The following C6 variants were observed in gnomAD, a reference collection of about 807,000 sequenced individuals.
The protein encoded by C6 is complement C6, also known as complement component C6.
C6 carries 101 observed loss-of-function variants against 112.9 expected under a neutral mutation model. The observed-to-expected ratio is 0.89, with a 90% CI of 0.76 to 1.06. The LOEUF (loss-of-function observed/expected upper bound fraction) is 1.06. Among genes scored for constraint, C6 ranks in the 50% least tolerant of loss-of-function variants. C6 has a pLI of 0.00. For synonymous variants in C6, 431 were observed against 384.1 expected, an observed-to-expected ratio of 1.12 and a Z score of -1.43; for missense variants, 1,202 against 1,104.6, an observed-to-expected ratio of 1.09 and a Z score of -1.25.
rs192945704 is a variant in C6, at chr5:41,211,522, A to G, written c.-21+1854T>C. On this transcript the variant is annotated intron_variant, in intron 1 of 17. Transcript: ENST00000337836. ...ATTGGGACAATAGTAGCCAGATAGA[A>G]TTTAAGTCGTGATCAGACATATAAT... 5.3e-3 allele frequency among the ~76,000 whole-genome samples: 806 copies of G among 152,114 alleles called. 5 individuals are homozygous for G. The highest frequency in any genetic ancestry group is 8.3e-3 in the Non-Finnish European group (566 of 67,984).
At chr5:41,146,694 T>C (rs973628381) in intron 17 of C6, among the ~76,000 whole-genome samples, 7 of 152,188 alleles carry the variant, frequency 4.6e-5, no homozygotes, top group Non-Finnish European at 8.8e-5. Context: ...TAAGAAGTGT[T>C]CATGTATTAG....
intron 17 of C6, among the ~76,000 whole-genome samples, chr5:41,147,383 A>G (rs1745929937): frequency 1.3e-5 from 2 of 152,122 alleles, no homozygotes. Context: ...GAAGGTTGAA[A>G]ACCCCAGATA....
At position 41,232,646 on chromosome 5, in the gene C6, A is replaced by G. The variant is rs186927242; in HGVS notation, c.-21+28548T>C. 2.3e-3 allele frequency among the ~76,000 whole-genome samples: 355 copies of G among 152,218 alleles called. No homozygotes were observed. In the Middle Eastern group the frequency reaches 0.027, roughly 12 times the overall value. On this transcript the variant is annotated intron_variant, in intron 1 of 17. Coordinates refer to the C6 transcript ENST00000263413. ...TGTGTTTTCTTAGGCATTTGGAAATACAGAAAAGTAAAAAAAATTTTAAGT... is the reference window on the plus strand; with the variant it reads ...TGTGTTTTCTTAGGCATTTGGAAATGCAGAAAAGTAAAAAAAATTTTAAGT...
chr5:41,186,361 T>C (rs1749771295), intron 5 of C6, 153 bp from the exon 6 acceptor site: 2 of 775,138 alleles, frequency 2.6e-6, no homozygotes, highest in African/African-American at 1.7e-5. Flanking sequence ...TTTTTCCTAG[T>C]CCATGGTGAG....
intron 1 of C6, among the ~76,000 whole-genome samples, chr5:41,210,400 C>A (rs13182729): frequency 0.48 from 72,993 of 151,982 alleles, 19,244 homozygotes; most frequent in Non-Finnish European, 0.6. Context: ...TTCTGCTCAG[C>A]CAAAGAAACT....
In C6 at chr5:41,259,614, A is replaced by T. The variant is rs975425351; in HGVS notation, c.-21+1580T>A. Reference sequence around the variant, plus strand: ...TTTCAGCACATTACCACCTTAAAAAAATCAATAAACCCCTTGGCATAAATA... The same window carrying T: ...TTTCAGCACATTACCACCTTAAAAATATCAATAAACCCCTTGGCATAAATA... On this transcript the variant is annotated intron_variant, in intron 1 of 17. Coordinates refer to the C6 transcript ENST00000263413. 2.6e-5 allele frequency among the ~76,000 whole-genome samples: 4 copies of T among 152,284 alleles called. No homozygotes were observed. In the East Asian group the frequency reaches 7.7e-4, roughly 29 times the overall value.
chr5:41,178,448 TTTTTTC>T (rs1263800755), intron 7 of C6, among the ~76,000 whole-genome samples: 12 of 142,922 alleles, frequency 8.4e-5, no homozygotes, highest in South Asian at 2.1e-4. Context: ...TAGTATTTTC[TTTTTTC>T]TTTTTCTTTT....
intron 1 of C6, among the ~76,000 whole-genome samples, chr5:41,209,553 C>T (rs1265501502): frequency 2.6e-5 from 4 of 152,158 alleles, no homozygotes; most frequent in Non-Finnish European, 5.9e-5. Flanking sequence ...GTGCAAAAAT[C>T]ACAGACATTC....
chr5:41,149,357 G>GCTGATTATTTA lies in C6; in HGVS notation c.2506_2507insTAAATAATCAG (p.Ser836LeufsTer12). 1 of 1,614,066 alleles carries GCTGATTATTTA rather than the reference G, an allele frequency of 6.2e-7. No homozygotes were observed. ...TTCTAACTGGCGGCCGTCTTGGCAGGAACCAATATGTAGAAAATGGAGTTG... is the reference window on the plus strand; with the variant it reads ...TTCTAACTGGCGGCCGTCTTGGCAGGCTGATTATTTAAACCAATATGTAGAAAATGGAGTTG... On this transcript the variant is annotated frameshift_variant, in exon 17 of 18. Coordinates refer to ENST00000337836, the MANE Select transcript of C6 (RefSeq NM_000065.5). LOFTEE classifies it high-confidence loss of function.
chr5:41,156,285 TC>T (rs1309330988), intron 13 of C6, among the ~76,000 whole-genome samples: 1 of 152,104 alleles, frequency 6.6e-6, no homozygotes, highest in Non-Finnish European at 1.5e-5. Flanking sequence ...AAATAGAACA[TC>T]CTTTGCAAAA....
intron 9 of C6, among the ~76,000 whole-genome samples, chr5:41,170,351 TATA>T (rs1291566303): frequency 6.6e-6 from 1 of 151,972 alleles, no homozygotes; most frequent in Non-Finnish European, 1.5e-5. Flanking sequence ...TATTTATAAT[TATA>T]ATGATTATGT....
intron 6 of C6, among the ~76,000 whole-genome samples, chr5:41,185,620 A>G (rs1749705970): frequency 6.6e-6 from 1 of 152,172 alleles, no homozygotes; most frequent in Non-Finnish European, 1.5e-5. Context: ...AAGCAGAACT[A>G]TCTCATTAGA....
intron 10 of C6, among the ~76,000 whole-genome samples, chr5:41,161,165 C>A (rs991303589): frequency 3.9e-5 from 6 of 152,132 alleles, no homozygotes; most frequent in Non-Finnish European, 8.8e-5. Context: ...TGGGGGAAAA[C>A]AGGTTCTAAA....
intron 14 of C6, among the ~76,000 whole-genome samples, 200 bp from the exon 15 acceptor site, chr5:41,154,198 G>T (rs1364831629): frequency 2.0e-5 from 3 of 152,242 alleles, no homozygotes; most frequent in Middle Eastern, 3.4e-3. Context: ...ATTCCCTTTA[G>T]TTTCATTATC....
At chr5:41,243,142 G>C (rs114070275) in intron 1 of C6, among the ~76,000 whole-genome samples, 1 of 152,100 alleles carries the variant, frequency 6.6e-6, no homozygotes, top group African/African-American at 2.4e-5. Flanking sequence ...AAGTGACTAA[G>C]TTTCAAATGT....
At chr5:41,234,524 C>A (rs1443283696) in intron 1 of C6, among the ~76,000 whole-genome samples, 1 of 151,930 alleles carries the variant, frequency 6.6e-6, no homozygotes, top group Non-Finnish European at 1.5e-5. Flanking sequence ...GAGATTTAAT[C>A]TAGAAAGTGA....
At chr5:41,201,453 T>C in intron 3 of C6, 105 bp downstream of exon 3, 1 of 1,151,278 alleles carries the variant, frequency 8.7e-7, no homozygotes, top group South Asian at 1.3e-5. Context: ...ACAGTTGATT[T>C]TCAGAAATTG....
At chr5:41,249,236 T>C (rs1470143071) in intron 1 of C6, among the ~76,000 whole-genome samples, 1 of 152,108 alleles carries the variant, frequency 6.6e-6, no homozygotes, top group Non-Finnish European at 1.5e-5. Context: ...GGATCAATGG[T>C]ACCCCTTACC....
At chr5:41,149,771 A>T (rs993718783) in intron 16 of C6, among the ~76,000 whole-genome samples, 164 bp downstream of exon 16, 2 of 152,188 alleles carry the variant, frequency 1.3e-5, no homozygotes, top group Admixed American at 6.5e-5. Context: ...GAAACTTGCT[A>T]CCCAATGGGG....
Sources: allele counts gnomAD v4.1 joint callset (sites outside exome capture counted in the v4.1 genomes callset), GRCh38; gene constraint gnomAD v4.1.1; transcripts MANE v1.5; gene names NCBI Gene and HGNC (gene_info 2026-07-23, HGNC 2026-07-21).